The following THEMIS variants were observed in gnomAD, a reference collection of about 807,000 sequenced individuals.
THEMIS encodes thymocyte selection associated.
Under a neutral mutation model 52.6 loss-of-function variants are expected in THEMIS, and 37 were observed. The observed-to-expected ratio is 0.70, with a 90% CI of 0.54 to 0.93. The LOEUF is 0.93. THEMIS is among the 40% of genes least tolerant of loss of function. The pLI is 0.00. For missense variants in THEMIS, 808 were observed against 763.1 expected (o/e 1.06, Z -0.69); for synonymous variants, 292 against 272.7 (o/e 1.07, Z -0.70).
intron 4 of THEMIS, among the ~76,000 whole-genome samples, chr6:127,768,776 A>C (rs763335346): frequency 6.6e-6 from 1 of 152,238 alleles, no homozygotes; most frequent in Admixed American, 6.5e-5. Context: ...TGCTTTGTGC[A>C]GTTACCTCGA....
chr6:127,797,808 A>G (rs1404962640), intron 4 of THEMIS, among the ~76,000 whole-genome samples: 1 of 152,250 alleles, frequency 6.6e-6, no homozygotes, highest in African/African-American at 2.4e-5. Context: ...AAAAGCACTT[A>G]AAGAACACTT....
downstream of THEMIS, among the ~76,000 whole-genome samples, chr6:127,704,573 G>A (rs867570457): frequency 6.6e-6 from 1 of 152,306 alleles, no homozygotes; most frequent in Non-Finnish European, 1.5e-5. Context: ...CCAAGTAGGA[G>A]ACTGATATAT....
intron 4 of THEMIS, among the ~76,000 whole-genome samples, chr6:127,781,930 G>T (rs1372431608): frequency 6.6e-6 from 1 of 152,172 alleles, no homozygotes; most frequent in African/African-American, 2.4e-5. Context: ...ACTGTGTGGG[G>T]AGATTTGCTG....
chr6:127,740,477 A>G (rs1775162780), intron 4 of THEMIS, among the ~76,000 whole-genome samples: 1 of 147,976 alleles, frequency 6.8e-6, no homozygotes, highest in East Asian at 2.0e-4. Context: ...ATGTGATTTA[A>G]TCAAACTCAA....
In THEMIS at chr6:127,813,945, A is replaced by G. The variant is rs750910490; in HGVS notation, c.710-14T>C. 9 of 1,517,190 alleles carry G rather than the reference A, an allele frequency of 5.9e-6. No individual in the cohort carries two copies. In the East Asian group the frequency reaches 1.4e-4, roughly 23 times the overall value. 94.0% of individuals were successfully genotyped at this position (1,517,190 alleles called of 1,614,324 possible). A position where few individuals can be genotyped will look rare whatever the true frequency, so the allele number is the denominator to read the frequency against. On this transcript the variant is annotated splice_polypyrimidine_tract_variant and intron_variant, in intron 3 of 5. Coordinates refer to ENST00000368248, the MANE Select transcript of THEMIS (RefSeq NM_001010923.3). ...TATCTTTTCGAACTAAAAAGAAAAA[A>G]TAAATCACTATGATATTTTTGTACT...
chr6:127,733,824 G>T (rs1179237175), intron 4 of THEMIS, among the ~76,000 whole-genome samples: 4 of 151,972 alleles, frequency 2.6e-5, no homozygotes, highest in Non-Finnish European at 5.9e-5. Context: ...GTCTAGAAAA[G>T]ACTATATCTA....
chr6:127,702,644 A>G, the THEMIS span, among the ~76,000 whole-genome samples: 1 of 150,816 alleles, frequency 6.6e-6, no homozygotes, highest in Non-Finnish European at 1.5e-5. Context: ...TATCATATTA[A>G]TCATTGTATT....
chr6:127,848,877 C>T (rs1002763690), intron 2 of THEMIS, among the ~76,000 whole-genome samples: 1 of 151,992 alleles, frequency 6.6e-6, no homozygotes, highest in African/African-American at 2.4e-5. Flanking sequence ...TTGTCGGTTC[C>T]CTGTTCACTC....
At chr6:127,805,653 A>G (rs111611846) in intron 4 of THEMIS, among the ~76,000 whole-genome samples, 2,005 of 152,104 alleles carry the variant, frequency 0.013, 46 homozygotes, top group African/African-American at 0.046. Context: ...CTGTCCTAAT[A>G]TTTATCCAGG....
chr6:127,729,126 C>A (rs948985338), intron 4 of THEMIS, among the ~76,000 whole-genome samples: 2 of 125,968 alleles, frequency 1.6e-5, no homozygotes, highest in South Asian at 5.1e-4. Flanking sequence ...CATTCTACTC[C>A]CTTTACCAAT....
At chr6:127,833,135 T>C (rs1778756987) in intron 2 of THEMIS, among the ~76,000 whole-genome samples, 1 of 151,966 alleles carries the variant, frequency 6.6e-6, no homozygotes, top group Non-Finnish European at 1.5e-5. Context: ...GGAGACATTG[T>C]TCATTAAAAA....
At chr6:127,738,165 T>A (rs1775072328) in intron 4 of THEMIS, among the ~76,000 whole-genome samples, 1 of 152,168 alleles carries the variant, frequency 6.6e-6, no homozygotes, top group Non-Finnish European at 1.5e-5. Flanking sequence ...TTCTAGAGGG[T>A]ATAAGCCATT....
At chr6:127,750,340 C>T (rs1276027382) in intron 4 of THEMIS, among the ~76,000 whole-genome samples, 1 of 151,192 alleles carries the variant, frequency 6.6e-6, no homozygotes, top group African/African-American at 2.4e-5. Context: ...ATCGTCTTGG[C>T]CTATAAGTAA....
intron 2 of THEMIS, among the ~76,000 whole-genome samples, chr6:127,832,614 C>A (rs28733622): frequency 1.3e-5 from 2 of 151,816 alleles, no homozygotes; most frequent in African/African-American, 4.8e-5. Flanking sequence ...AGTGTACAAT[C>A]GTTTTATACT....
At chr6:127,848,783 T>C (rs1245194518) in intron 2 of THEMIS, among the ~76,000 whole-genome samples, 3 of 152,240 alleles carry the variant, frequency 2.0e-5, no homozygotes, top group African/African-American at 4.8e-5. Context: ...TTTGTTTTTT[T>C]CTTGTAAATT....
Position 127,813,913 on chromosome 6 carries a change from C to G in THEMIS, c.728G>C (p.Arg243Pro). Residue 243 changes from arginine to proline, a missense_variant, in exon 4 of 6, where the codon CGC becomes CCC. Coordinates refer to ENST00000368248, the MANE Select transcript of THEMIS (RefSeq NM_001010923.3). ...GVMKFRKDII[R>P]ILPSLDVEVK... ...TTCGACATCTAGACTGGGGAGGATG[C>G]GGATTATATCTTTTCGAACTAAAAA... 11 of 1,551,608 alleles carry G rather than the reference C, an allele frequency of 7.1e-6. No individual in the cohort carries two copies. The highest frequency in any genetic ancestry group is 9.5e-6 in the Non-Finnish European group (11 of 1,154,116).
intron 2 of THEMIS, among the ~76,000 whole-genome samples, chr6:127,830,809 A>G (rs1778677376): frequency 6.6e-6 from 1 of 152,252 alleles, no homozygotes; most frequent in Admixed American, 6.5e-5. Context: ...ACACTTTAAA[A>G]TGGTAAAGTT....
At position 127,779,154 on chromosome 6, in the gene THEMIS, G is replaced by C. The variant is rs139665058; in HGVS notation, c.1758+33729C>G. Among the ~76,000 whole-genome samples the C allele has an allele frequency of 5.2e-3, 798 of 152,198 alleles. 7 individuals are homozygous for C. Among genetic ancestry groups the C allele is most frequent in the African/African-American group, 0.018 (762 of 41,556 alleles). Reference sequence around the variant, plus strand: ...AAAAGGTAGTTACTGAGCACATTCAGGGTTCAACGTGTTCCTCTAAGTGCC... The same window carrying C: ...AAAAGGTAGTTACTGAGCACATTCACGGTTCAACGTGTTCCTCTAAGTGCC... On this transcript the variant is annotated intron_variant, in intron 4 of 5. Coordinates refer to ENST00000368248, the MANE Select transcript of THEMIS (RefSeq NM_001010923.3).
At chr6:127,819,486 A>T (rs1778260408) in intron 3 of THEMIS, among the ~76,000 whole-genome samples, 1 of 152,180 alleles carries the variant, frequency 6.6e-6, no homozygotes, top group Non-Finnish European at 1.5e-5. Context: ...TATATTGAAG[A>T]GTATCATATT....
Sources: gnomAD v4.1 joint callset for allele counts (sites outside exome capture counted in the v4.1 genomes callset) on GRCh38, gnomAD v4.1.1 for gene constraint, MANE v1.5 for transcripts, NCBI Gene and HGNC (gene_info 2026-07-23, HGNC 2026-07-21) for gene names.